The following UNC5C variants were observed in gnomAD, a reference collection of about 807,000 sequenced individuals.
UNC5C encodes unc-5 netrin receptor C.
Under a neutral mutation model 99.8 loss-of-function variants are expected in UNC5C, and 47 were observed. The observed-to-expected ratio is 0.47, with a 90% CI of 0.37 to 0.60. The LOEUF (loss-of-function observed/expected upper bound fraction) is 0.60, where lower values mean the gene tolerates loss of function less well. Ranked by LOEUF, UNC5C falls within the 20% of genes least tolerant of loss-of-function variation. The probability of loss-of-function intolerance (pLI) is 0.00; values close to 1 mark genes in which losing one functional copy is unlikely to be tolerated. For synonymous variants in UNC5C, 487 were observed against 452.2 expected, an observed-to-expected ratio of 1.08 and a Z score of -0.98; for missense variants, 1,062 against 1,165.9, an observed-to-expected ratio of 0.91 and a Z score of 1.30.
At chr4:95,288,285 G>T (rs772763350) in intron 3 of UNC5C, among the ~76,000 whole-genome samples, 1 of 151,776 alleles carries the variant, frequency 6.6e-6, no homozygotes, top group Non-Finnish European at 1.5e-5. Flanking sequence ...GGGTTTCACC[G>T]TGCCAGCCAG....
At chr4:95,178,640 T>C (rs934507018) in intron 14 of UNC5C, among the ~76,000 whole-genome samples, 2 of 152,178 alleles carry the variant, frequency 1.3e-5, no homozygotes, top group Non-Finnish European at 2.9e-5. Flanking sequence ...ACCCATAGAC[T>C]AGGGTGTTGA....
rs1398226651 is a variant in UNC5C at position 95,175,580 on chromosome 4, C to T, written c.2452-5248G>A. 2.6e-5 allele frequency among the ~76,000 whole-genome samples: 4 copies of T among 152,178 alleles called. No individual in the cohort carries two copies. In the East Asian group the frequency reaches 5.8e-4, roughly 22 times the overall value. On this transcript the variant is annotated intron_variant, in intron 14 of 15. Transcript: ENST00000453304. ...AATGTTGAATATTGGCCCCCACTCCCTTCTGGCTTGTAGAGTTTCTGCTGA... is the reference window on the plus strand; with the variant it reads ...AATGTTGAATATTGGCCCCCACTCCTTTCTGGCTTGTAGAGTTTCTGCTGA...
chr4:95,307,728 A>G (rs552230309), intron 2 of UNC5C, among the ~76,000 whole-genome samples: 10 of 152,226 alleles, frequency 6.6e-5, no homozygotes, highest in Non-Finnish European at 8.8e-5. Flanking sequence ...TCAACAAAAT[A>G]CTAACAAACC....
At chr4:95,442,113 G>A (rs1031560522) in intron 1 of UNC5C, among the ~76,000 whole-genome samples, 3 of 152,108 alleles carry the variant, frequency 2.0e-5, no homozygotes, top group Non-Finnish European at 2.9e-5. Context: ...CAGTAGTAGC[G>A]CAGGGGTAGA....
At chr4:95,354,479 A>ATATATATATATATATATATTTTTTTTTTT in intron 1 of UNC5C, among the ~76,000 whole-genome samples, 1 of 110,352 alleles carries the variant, frequency 9.1e-6, no homozygotes. Context: ...ATATATATAT[A>ATATATATATATATATATATTTTTTTTTTT]TTTTTTTTTT....
intron 1 of UNC5C, among the ~76,000 whole-genome samples, chr4:95,337,405 T>C (rs1743392894): frequency 6.6e-6 from 1 of 151,898 alleles, no homozygotes; most frequent in Non-Finnish European, 1.5e-5. Context: ...TTCAATAATA[T>C]AGCAAAAGTA....
chr4:95,370,491 G>C (rs1283627875), intron 1 of UNC5C, among the ~76,000 whole-genome samples: 1 of 152,084 alleles, frequency 6.6e-6, no homozygotes, highest in Non-Finnish European at 1.5e-5. Flanking sequence ...CATATTCCTG[G>C]CCACAGTTGG....
At chr4:95,372,979 GC>G (rs1313523514) in intron 1 of UNC5C, among the ~76,000 whole-genome samples, 5 of 152,142 alleles carry the variant, frequency 3.3e-5, no homozygotes, top group Non-Finnish European at 7.3e-5. Context: ...AGCAGATTCT[GC>G]CAGCACTCCT....
At chr4:95,256,128 T>C (rs764644556) in intron 4 of UNC5C, among the ~76,000 whole-genome samples, 84 of 152,128 alleles carry the variant, frequency 5.5e-4, no homozygotes, top group Admixed American at 2.1e-3. Flanking sequence ...CTAACATTTG[T>C]GTCCCTGTGG....
chr4:95,330,257 T>C (rs1579330074), intron 2 of UNC5C, among the ~76,000 whole-genome samples: 1 of 152,098 alleles, frequency 6.6e-6, no homozygotes, highest in East Asian at 1.9e-4. Context: ...CTCATTACTC[T>C]ACTATTTAAG....
intron 1 of UNC5C, among the ~76,000 whole-genome samples, chr4:95,474,850 C>T (rs971542923): frequency 7.2e-5 from 11 of 152,080 alleles, no homozygotes; most frequent in Non-Finnish European, 1.5e-4. Flanking sequence ...TGCTGTCTTC[C>T]AGTCACTACT....
At chr4:95,532,771 C>T (rs1722683608) in intron 1 of UNC5C, among the ~76,000 whole-genome samples, 1 of 152,050 alleles carries the variant, frequency 6.6e-6, no homozygotes, top group Admixed American at 6.6e-5. Flanking sequence ...ACTGGAACAG[C>T]CTGTGCCAAA....
In UNC5C at chr4:95,254,663, G is replaced by A. The variant is rs982611833; in HGVS notation, c.595-3996C>T. Reference sequence around the variant, plus strand: ...TATGCATCCTAGTAAGAACTTCAGGGGGTTATATCCACACTAAAGTTTGAG... The same window carrying A: ...TATGCATCCTAGTAAGAACTTCAGGAGGTTATATCCACACTAAAGTTTGAG... On this transcript the variant is annotated intron_variant, in intron 4 of 15. Transcript: ENST00000453304. Among the ~76,000 whole-genome samples the A allele has an allele frequency of 9.9e-5, 15 of 152,176 alleles. No homozygotes were observed. In the East Asian group the frequency reaches 2.7e-3, roughly 28 times the overall value.
chr4:95,410,240 T>G (rs1430022661), intron 1 of UNC5C, among the ~76,000 whole-genome samples: 1 of 152,150 alleles, frequency 6.6e-6, no homozygotes, highest in African/African-American at 2.4e-5. Context: ...TAATTATATC[T>G]GCATGTTCCT....
rs1268607914 is a variant in UNC5C, at chr4:95,169,115, C to T, written c.*119G>A. The T allele has an allele frequency of 4.7e-6, 6 of 1,269,830 alleles. No homozygotes were observed. The East Asian group carries it at 1.4e-4, about 30-fold the overall frequency. 78.7% of individuals were successfully genotyped at this position (1,269,830 alleles called of 1,614,324 possible). On this transcript the variant is annotated 3_prime_UTR_variant, in exon 16 of 16. Transcript: ENST00000453304. The stretch of plus-strand genomic sequence containing the variant: ...TCTGTTTTCCTTCTGGCTCCTGCTG[C>T]AGTCTTGCCTGTGAAGTGCATTGGT...
intron 1 of UNC5C, among the ~76,000 whole-genome samples, chr4:95,541,731 C>T (rs944181985): frequency 6.6e-6 from 1 of 151,980 alleles, no homozygotes; most frequent in Non-Finnish European, 1.5e-5. Context: ...TCCCTTACAA[C>T]TGGACTGTAG....
At chr4:95,176,659 G>A (rs1027824667) in intron 14 of UNC5C, among the ~76,000 whole-genome samples, 30 of 152,110 alleles carry the variant, frequency 2.0e-4, no homozygotes, top group Non-Finnish European at 2.5e-4. Flanking sequence ...GTCTGACAGG[G>A]ACATTTAAGT....
At chr4:95,331,822 C>A (rs184155242) in intron 2 of UNC5C, among the ~76,000 whole-genome samples, 63 of 152,144 alleles carry the variant, frequency 4.1e-4, no homozygotes, top group Middle Eastern at 6.8e-3. Context: ...ACCAACATAG[C>A]ATGAAATTGT....
chr4:95,356,193 C>CAAAAAAAAAAAAAA (rs59097041), intron 1 of UNC5C, among the ~76,000 whole-genome samples: 4 of 58,002 alleles, frequency 6.9e-5, no homozygotes, highest in African/African-American at 2.4e-4. Flanking sequence ...GACCCTGTAG[C>CAAAAAAAAAAAAAA]AAAAAAAAAA....
Sources: gnomAD v4.1 joint callset for allele counts (sites outside exome capture counted in the v4.1 genomes callset) on GRCh38, gnomAD v4.1.1 for gene constraint, MANE v1.5 for transcripts, NCBI Gene and HGNC (gene_info 2026-07-23, HGNC 2026-07-21) for gene names.